Variants in PCNT observed in about 807,000 individuals in gnomAD.
PCNT encodes the protein kendrin.
In PCNT, 319 loss-of-function variants were observed where a neutral mutation model predicts 380.4. That is an observed-to-expected ratio of 0.84 (90% CI 0.77 to 0.92). The LOEUF is 0.92. Ranked by LOEUF, PCNT falls within the 40% of genes least tolerant of loss-of-function variation. PCNT has a pLI of 0.00. For synonymous variants in PCNT, 1,845 were observed against 1,735.2 expected (o/e 1.06, Z -1.57); for missense variants, 4,400 against 4,255.3 (o/e 1.03, Z -0.95).
intron 22 of PCNT, 72 bp downstream of exon 22, chr21:46,397,566 T>C (rs1032303591): frequency 1.6e-4 from 201 of 1,271,734 alleles, no homozygotes; most frequent in Non-Finnish European, 2.0e-4. Context: ...TCTTTCCAGA[T>C]CGTTACGTAA....
At chr21:46,408,826 A>G (rs1270230755) in intron 27 of PCNT, among the ~76,000 whole-genome samples, 1 of 151,042 alleles carries the variant, frequency 6.6e-6, no homozygotes, top group Non-Finnish European at 1.5e-5. Flanking sequence ...GGGTTCAAGC[A>G]ATTCTCCTGC....
At chr21:46,379,937 C>T (rs544411423) in intron 15 of PCNT, among the ~76,000 whole-genome samples, 30 of 152,252 alleles carry the variant, frequency 2.0e-4, no homozygotes, top group Non-Finnish European at 3.7e-4. Context: ...GCCTTTCCAG[C>T]GTGGGCACAG....
intron 14 of PCNT, among the ~76,000 whole-genome samples, chr21:46,365,123 C>T (rs1259665944): frequency 6.6e-6 from 1 of 152,224 alleles, no homozygotes; most frequent in East Asian, 1.9e-4. Flanking sequence ...TATTCACTTC[C>T]ATGGGGTTCT....
At chr21:46,402,513 G>C (rs200502265) in intron 27 of PCNT, 30 bp downstream of exon 27, 15 of 1,612,864 alleles carry the variant, frequency 9.3e-6, no homozygotes, top group Non-Finnish European at 5.9e-6. Flanking sequence ...CGTGACGCCC[G>C]AGTTCATGTT....
intron 5 of PCNT, 127 bp from the exon 6 acceptor site, chr21:46,347,330 C>T (rs2084105910): frequency 3.3e-6 from 3 of 909,866 alleles, no homozygotes; most frequent in Admixed American, 1.9e-5. Flanking sequence ...ATCACAGACA[C>T]ATCCTGCTAG....
At chr21:46,341,285 T>C (rs2083904050) in intron 3 of PCNT, among the ~76,000 whole-genome samples, 1 of 152,086 alleles carries the variant, frequency 6.6e-6, no homozygotes, top group Non-Finnish European at 1.5e-5. Flanking sequence ...TTTTGGTTCC[T>C]TGAATGTTTT....
At chr21:46,345,152 TTCC>T (rs2084025865) in intron 3 of PCNT, among the ~76,000 whole-genome samples, 1 of 152,348 alleles carries the variant, frequency 6.6e-6, no homozygotes, top group South Asian at 2.1e-4. Flanking sequence ...AGGTTGTTTG[TTCC>T]TCCCGTGGCA....
chr21:46,390,736 G>A lies in PCNT; in HGVS notation c.3907G>A (p.Ala1303Thr), dbSNP rs776057395. Residue 1303 changes from alanine (A) to threonine (T), a missense_variant, in exon 20 of 47, where the codon GCA (alanine) becomes ACA (threonine). By Grantham distance (58) the Ala-to-Thr change is moderately conservative. Transcript: ENST00000359568. ...ATTTAGTTTTAAGAATGAGGAGACAGCACAGGTTGTCAGGAAGCACCAGGA... is the reference window on the plus strand; with the variant it reads ...ATTTAGTTTTAAGAATGAGGAGACAACACAGGTTGTCAGGAAGCACCAGGA... ...KEFSFKNEET[A>T]QVVRKHQELL... 6.2e-7 allele frequency: 1 copy of A among 1,613,784 alleles called. No homozygotes were observed. Among genetic ancestry groups the A allele is most frequent in the East Asian group, 2.2e-5 (1 of 44,886 alleles).
At chr21:46,369,709 G>A (rs143408009) in intron 15 of PCNT, among the ~76,000 whole-genome samples, 2 of 152,364 alleles carry the variant, frequency 1.3e-5, no homozygotes, top group East Asian at 3.9e-4. Context: ...TGTGGAGCGT[G>A]TGCACCTTCT....
Position 46,425,989 on chromosome 21 carries a change from C to G in PCNT, c.7320+18C>G. 1.2e-6 allele frequency: 2 copies of G among 1,609,434 alleles called. No individual in the cohort carries two copies. The highest frequency in any genetic ancestry group is 1.7e-6 in the Non-Finnish European group (2 of 1,177,192). On this transcript the variant is annotated intron_variant, in intron 33 of 46. Transcript: ENST00000359568. The surrounding 1 kb of genome is among the most constrained non-coding windows in gnomAD (Gnocchi z 4.2). ...AGACGCAGGTTTATTTTGCCCTTCA[C>G]ACACTTCTTTTCCAAAGGATTTAAG...
chr21:46,383,790 T>C (rs1240488195), intron 16 of PCNT, among the ~76,000 whole-genome samples: 3 of 136,318 alleles, frequency 2.2e-5, no homozygotes, highest in Non-Finnish European at 5.0e-5. Context: ...TGTTGTGCGT[T>C]CAGTGGCAGA....
Position 46,399,796 on chromosome 21 carries a change from G to A in PCNT, c.4791G>A (p.Gln1597=). The A allele has an allele frequency of 6.2e-7, 1 of 1,613,576 alleles. No homozygotes were observed. The highest frequency in any genetic ancestry group is 1.1e-5 in the South Asian group (1 of 91,052). Residue 1597 remains glutamine, a splice_region_variant and synonymous_variant, in exon 25 of 47, where the codon CAG becomes CAA. Transcript: ENST00000359568. ...AAAACATCGTGAAAGGGCTGGAACA[G>A]GTAAAGCGTCTCCATGTTGTGGTTG... ...KQKNIVKGLE[Q]DKEVLKKQQM... is the part of the protein sequence containing the mutation.
chr21:46,353,590 A>G (rs952669811), intron 10 of PCNT, among the ~76,000 whole-genome samples: 3 of 150,666 alleles, frequency 2.0e-5, no homozygotes, highest in East Asian at 1.9e-4. Context: ...GTAGGCCAGC[A>G]TGTGTGTGTG....
In PCNT at chr21:46,425,683, G is replaced by C; in HGVS notation, c.7180-148G>C. 4 of 1,077,746 alleles carry C rather than the reference G, an allele frequency of 3.7e-6. No homozygotes were observed. Among genetic ancestry groups the C allele is most frequent in the Non-Finnish European group, 5.6e-6 (4 of 712,672 alleles). 66.8% of individuals were successfully genotyped at this position (1,077,746 alleles called of 1,614,324 possible). On this transcript the variant is annotated intron_variant, in intron 32 of 46. Coordinates refer to ENST00000359568, the MANE Select transcript of PCNT (RefSeq NM_006031.6). This position sits in a 1 kb window ranked among gnomAD's most constrained non-coding sequence, Gnocchi z 4.2. Reference sequence around the variant, plus strand: ...CCTTGTAGCTTGAGAAGTGGGTGCCGCCTGTACGAAGCCGAGGCGGTGCCC... The same window carrying C: ...CCTTGTAGCTTGAGAAGTGGGTGCCCCCTGTACGAAGCCGAGGCGGTGCCC...
rs2084609442 is a variant in PCNT, at chr21:46,359,480, G to GTTGTTTTTTTTT, written c.2154+2291_2154+2292insGTTTTTTTTTTT. On this transcript the variant is annotated intron_variant, in intron 13 of 46. Transcript: ENST00000359568. ...TAGTATTCTGTCCAAAAATACACCTGTTTTTTTTTTGTTTTTTTTTTTTTT... is the reference window on the plus strand; with the variant it reads ...TAGTATTCTGTCCAAAAATACACCTGTTGTTTTTTTTTTTTTTTTTTTGTTTTTTTTTTTTTT... Among the ~76,000 whole-genome samples, 46 of 65,732 alleles carry GTTGTTTTTTTTT rather than the reference G, an allele frequency of 7.0e-4. 5 individuals are homozygous for GTTGTTTTTTTTT. Among genetic ancestry groups the GTTGTTTTTTTTT allele is most frequent in the Non-Finnish European group, 1.3e-3 (39 of 29,608 alleles). 43.1% of individuals were successfully genotyped at this position (65,732 alleles called of 152,430 possible).
chr21:46,379,375 G>A (rs1003093973), intron 15 of PCNT, among the ~76,000 whole-genome samples: 1 of 152,212 alleles, frequency 6.6e-6, no homozygotes, highest in African/African-American at 2.4e-5. Context: ...CTGTGCACTG[G>A]CTGGCCTCAA....
At chr21:46,426,074 T>A in intron 33 of PCNT, 103 bp downstream of exon 33, 1 of 846,162 alleles carries the variant, frequency 1.2e-6, no homozygotes, top group Non-Finnish European at 1.7e-6. Context: ...TCTTTCTTTT[T>A]TTTTTTTTTT....
At chr21:46,401,781 CTG>C (rs1190859934) in intron 26 of PCNT, 60 bp downstream of exon 26, 3 of 1,519,044 alleles carry the variant, frequency 2.0e-6, no homozygotes, top group East Asian at 4.5e-5. Context: ...GTGGGCTTCT[CTG>C]TGGCAGATCC....
intron 3 of PCNT, among the ~76,000 whole-genome samples, chr21:46,342,724 A>G (rs2083944619): frequency 6.6e-6 from 1 of 151,756 alleles, no homozygotes; most frequent in African/African-American, 2.4e-5. Context: ...TATTTTTAGT[A>G]GAGACGGAGT....
Sources: gnomAD v4.1 joint callset for allele counts (sites outside exome capture counted in the v4.1 genomes callset) on GRCh38, gnomAD v4.1.1 for gene constraint, Gnocchi (gnomAD v3.1) non-coding constraint, MANE v1.5 for transcripts, NCBI Gene and HGNC (gene_info 2026-07-23, HGNC 2026-07-21) for gene names.